Variants in ARHGEF28 observed in about 807,000 individuals in gnomAD.
ARHGEF28 encodes Rho guanine nucleotide exchange factor 28, also known as 190 kDa guanine nucleotide exchange factor.
A neutral mutation model predicts 206.6 loss-of-function variants in ARHGEF28; 152 were observed. The ratio of observed to expected loss-of-function variants is 0.74; its 90% CI spans 0.64 to 0.84. ARHGEF28 has a LOEUF of 0.84. Among genes scored for constraint, ARHGEF28 ranks in the 40% least tolerant of loss-of-function variants. The pLI is 0.00. For synonymous variants in ARHGEF28, 763 were observed against 776.4 expected, an observed-to-expected ratio of 0.98 and a Z score of 0.29; for missense variants, 2,028 against 2,073.2, an observed-to-expected ratio of 0.98 and a Z score of 0.42.
intron 2 of ARHGEF28, among the ~76,000 whole-genome samples, chr5:73,714,406 G>A (rs982060446): frequency 2.0e-5 from 3 of 152,166 alleles, no homozygotes; most frequent in East Asian, 1.9e-4. Context: ...AACTGATCAC[G>A]TGGTCCATCC....
At position 73,901,312 on chromosome 5, in the gene ARHGEF28, G is replaced by A. The variant is rs533850997; in HGVS notation, c.4074+28G>A. 16 of 1,588,276 alleles carry A rather than the reference G, an allele frequency of 1.0e-5. No homozygotes were observed. In the Admixed American group the frequency reaches 2.4e-4, roughly 24 times the overall value. On this transcript the variant is annotated intron_variant, in intron 31 of 35. Transcript: ENST00000513042. ...ATTGTGAACTGATTTGTTAGTAAACGGCAGCGGTTACTGTGTATAATAAAA... is the reference window on the plus strand; with the variant it reads ...ATTGTGAACTGATTTGTTAGTAAACAGCAGCGGTTACTGTGTATAATAAAA...
At chr5:73,801,861 A>G (rs1258993325) in intron 9 of ARHGEF28, among the ~76,000 whole-genome samples, 2 of 152,214 alleles carry the variant, frequency 1.3e-5, no homozygotes, top group Non-Finnish European at 2.9e-5. Flanking sequence ...AGTTATTTGT[A>G]TAAATTCCAA....
chr5:73,757,149 A>G (rs1184830694), intron 4 of ARHGEF28, among the ~76,000 whole-genome samples: 4 of 152,148 alleles, frequency 2.6e-5, no homozygotes, highest in Non-Finnish European at 5.9e-5. Context: ...CTTTTTTAGT[A>G]TACATATTTT....
chr5:73,691,956 A>G lies in ARHGEF28; in HGVS notation c.33+7072A>G, dbSNP rs895779712. Among the ~76,000 whole-genome samples, 7 of 152,220 alleles carry G rather than the reference A, an allele frequency of 4.6e-5. No homozygotes were observed. In the East Asian group the frequency reaches 1.3e-3, roughly 29 times the overall value. Reference sequence around the variant, plus strand: ...TAGAATTGCTGGATGAAGGGCATACATATTTTAAATTTTAGTGGATTGCTT... The same window carrying G: ...TAGAATTGCTGGATGAAGGGCATACGTATTTTAAATTTTAGTGGATTGCTT... On this transcript the variant is annotated intron_variant, in intron 2 of 35. Transcript: ENST00000513042.
chr5:73,641,685 C>T (rs900411207), intron 1 of ARHGEF28, among the ~76,000 whole-genome samples: 4 of 152,162 alleles, frequency 2.6e-5, no homozygotes, highest in Non-Finnish European at 5.9e-5. Context: ...AGCCTCTGAA[C>T]ATATTTGCGC....
intron 1 of ARHGEF28, among the ~76,000 whole-genome samples, chr5:73,652,604 T>C (rs1744903798): frequency 6.6e-6 from 1 of 152,168 alleles, no homozygotes; most frequent in Admixed American, 6.5e-5. Context: ...GGTTTATGAG[T>C]GACATGAGGA....
intron 33 of ARHGEF28, among the ~76,000 whole-genome samples, chr5:73,907,950 G>A (rs901875873): frequency 6.6e-6 from 1 of 152,096 alleles, no homozygotes; most frequent in African/African-American, 2.4e-5. Flanking sequence ...ATTTTTGTTT[G>A]TCTTACCATA....
intron 2 of ARHGEF28, among the ~76,000 whole-genome samples, chr5:73,736,969 G>A (rs1379767499): frequency 6.6e-6 from 1 of 152,158 alleles, no homozygotes; most frequent in Non-Finnish European, 1.5e-5. Flanking sequence ...GGCTGGGAAT[G>A]AGAAAGGAGT....
intron 22 of ARHGEF28, among the ~76,000 whole-genome samples, chr5:73,880,617 G>T (rs34825941): frequency 0.68 from 103,443 of 152,156 alleles, 37,056 homozygotes; most frequent in African/African-American, 0.92. Context: ...TCTCAAACAT[G>T]TTCTCCTATT....
rs112190789 is a variant in ARHGEF28, at chr5:73,894,929, G to A, written c.3841+354G>A. Among the ~76,000 whole-genome samples, 36 of 151,938 alleles carry A rather than the reference G, an allele frequency of 2.4e-4. 1 individual carries two copies. The highest frequency in any genetic ancestry group is 5.5e-4 in the African/African-American group (23 of 41,500). ...TATCTTGAGGGAGAGTCTTCCAGGC[G>A]TAGGGAATGGCCGGCACAAAGGTCC... On this transcript the variant is annotated intron_variant, in intron 29 of 35. Transcript: ENST00000513042.
chr5:73,683,625 A>G (rs553086136), intron 1 of ARHGEF28, among the ~76,000 whole-genome samples: 116 of 151,592 alleles, frequency 7.7e-4, no homozygotes, highest in Non-Finnish European at 1.3e-3. Flanking sequence ...TTAAAGGGGC[A>G]GGCACACCGA....
intron 23 of ARHGEF28, 64 bp from the exon 24 acceptor site, chr5:73,883,703 A>G: frequency 9.7e-7 from 1 of 1,026,198 alleles, no homozygotes; most frequent in Non-Finnish European, 1.4e-6. Context: ...TTGTATTGTT[A>G]CATTCACACC....
At chr5:73,641,020 A>C (rs1443501815) in intron 1 of ARHGEF28, among the ~76,000 whole-genome samples, 1 of 152,216 alleles carries the variant, frequency 6.6e-6, no homozygotes. Flanking sequence ...AGAAAGCCTC[A>C]AAGAGGCTGT....
intron 1 of ARHGEF28, among the ~76,000 whole-genome samples, chr5:73,652,571 A>G (rs1744901423): frequency 6.6e-6 from 1 of 152,204 alleles, no homozygotes; most frequent in Admixed American, 6.5e-5. Flanking sequence ...GAGAAGCATA[A>G]TAAGAAATAA....
Position 73,772,709 on chromosome 5 carries a change from T to C in ARHGEF28, c.476-1146T>C, listed in dbSNP as rs1478315001. On this transcript the variant is annotated intron_variant, in intron 4 of 35. Transcript: ENST00000513042. ...GGGTTTTTAATGTTGGGGATGGTGGTGGGTGGGGCATGTTGGACAGGAAAG... is the reference window on the plus strand; with the variant it reads ...GGGTTTTTAATGTTGGGGATGGTGGCGGGTGGGGCATGTTGGACAGGAAAG... Among the ~76,000 whole-genome samples the C allele has an allele frequency of 2.6e-5, 4 of 151,932 alleles. No individual in the cohort carries two copies. The East Asian group carries it at 7.7e-4, about 29-fold the overall frequency.
At chr5:73,837,243 T>A (rs1352979696) in intron 10 of ARHGEF28, among the ~76,000 whole-genome samples, 1 of 152,106 alleles carries the variant, frequency 6.6e-6, no homozygotes, top group Non-Finnish European at 1.5e-5. Context: ...AATCTGTAGT[T>A]CACTTTGGGT....
rs1485768138 is a variant in ARHGEF28, at chr5:73,867,975, A to G, written c.2252A>G (p.Gln751Arg). 3 of 1,614,010 alleles carry G rather than the reference A, an allele frequency of 1.9e-6. No individual in the cohort carries two copies. The South Asian group carries it at 3.3e-5, about 18-fold the overall frequency. ...LPTGRRETVG[Q>R]VHPLSRSVPG... ...ACTGGAAGGAGGGAGACTGTGGGAC[A>G]GGTCCATCCATTGTCCAGAAGTGTT... Residue 751 changes from glutamine to arginine, a missense_variant, in exon 19 of 36, where the codon CAG becomes CGG. By Grantham distance (43) the Gln-to-Arg change is conservative (BLOSUM62 1). Around this residue, in one of 3 missense-constraint regions of ARHGEF28, gnomAD observed 1,002 missense variants for 1,015.3 expected, o/e 0.99. Coordinates refer to ENST00000513042, the MANE Select transcript of ARHGEF28 (RefSeq NM_001177693.2).
At chr5:73,646,522 C>G (rs1025249054) in intron 1 of ARHGEF28, among the ~76,000 whole-genome samples, 26 of 152,226 alleles carry the variant, frequency 1.7e-4, no homozygotes, top group African/African-American at 6.3e-4. Context: ...TGTCTCCAAG[C>G]TCATGCTCCT....
chr5:73,702,047 G>A (rs1748638115), intron 2 of ARHGEF28, among the ~76,000 whole-genome samples: 1 of 152,188 alleles, frequency 6.6e-6, no homozygotes, highest in African/African-American at 2.4e-5. Context: ...GGGTCGTATA[G>A]TAAGTGTATG....
Sources: allele counts gnomAD v4.1 joint callset (sites outside exome capture counted in the v4.1 genomes callset), GRCh38; gene constraint gnomAD v4.1.1; regional missense constraint gnomAD v4.1.1; transcripts MANE v1.5; gene names NCBI Gene and HGNC (gene_info 2026-07-23, HGNC 2026-07-21).